Variants in FOXN3 observed in about 807,000 individuals in gnomAD.
The protein encoded by FOXN3 is forkhead box N3.
Under a neutral mutation model 38.4 loss-of-function variants are expected in FOXN3, and 7 were observed. The observed-to-expected ratio is 0.18, with a 90% CI of 0.10 to 0.34. FOXN3 has a LOEUF of 0.34. Ranked by LOEUF, FOXN3 falls within the 10% of genes least tolerant of loss-of-function variation. The pLI is 1.00. For missense variants in FOXN3, 456 were observed against 613.4 expected (o/e 0.74, Z 2.71); for synonymous variants, 230 against 242.2 (o/e 0.95, Z 0.47).
At chr14:89,437,585 C>T (rs1892298286) in intron 1 of FOXN3, among the ~76,000 whole-genome samples, 1 of 152,194 alleles carries the variant, frequency 6.6e-6, no homozygotes, top group Non-Finnish European at 1.5e-5. Flanking sequence ...CTGCTATACT[C>T]CCACCAGTGC....
At chr14:89,372,172 C>G (rs1250395170) in intron 2 of FOXN3, among the ~76,000 whole-genome samples, 1 of 151,996 alleles carries the variant, frequency 6.6e-6, no homozygotes, top group Non-Finnish European at 1.5e-5. Flanking sequence ...CTGCAATTTC[C>G]CCAAGTCATA....
intron 2 of FOXN3, among the ~76,000 whole-genome samples, chr14:89,397,530 T>C (rs907297185): frequency 3.3e-5 from 5 of 151,628 alleles, no homozygotes; most frequent in African/African-American, 7.3e-5. Flanking sequence ...CTTGACTCCT[T>C]TGTCTGTGCT....
intron 3 of FOXN3, among the ~76,000 whole-genome samples, chr14:89,283,780 C>T (rs976298898): frequency 2.2e-4 from 34 of 152,182 alleles, no homozygotes; most frequent in African/African-American, 8.2e-4. Flanking sequence ...GATCAAGTTA[C>T]CATTTACTGA....
At chr14:89,501,027 C>T (rs955640026) in intron 1 of FOXN3, among the ~76,000 whole-genome samples, 2 of 152,208 alleles carry the variant, frequency 1.3e-5, no homozygotes, top group Non-Finnish European at 2.9e-5. Context: ...GCATGGAAGA[C>T]AGTGAAGGGC....
chr14:89,541,180 T>C (rs571791720), intron 1 of FOXN3, among the ~76,000 whole-genome samples: 13 of 152,340 alleles, frequency 8.5e-5, no homozygotes, highest in Admixed American at 8.5e-4. Context: ...TTTTCCTTCC[T>C]GGTTCAATTC....
chr14:89,392,324 T>C (rs891666918), intron 2 of FOXN3, among the ~76,000 whole-genome samples: 2 of 152,232 alleles, frequency 1.3e-5, no homozygotes, highest in Non-Finnish European at 2.9e-5. Context: ...AGTCTCTCAG[T>C]GTAGGCAGAA....
chr14:89,522,372 T>C (rs1439832667), intron 1 of FOXN3, among the ~76,000 whole-genome samples: 1 of 152,084 alleles, frequency 6.6e-6, no homozygotes, highest in African/African-American at 2.4e-5. Context: ...TTAGAAGAAG[T>C]CCTTCAGGCA....
At chr14:89,616,733 C>G (rs928946946) in intron 1 of FOXN3, among the ~76,000 whole-genome samples, 2 of 152,206 alleles carry the variant, frequency 1.3e-5, no homozygotes, top group Non-Finnish European at 2.9e-5. Flanking sequence ...TCAGTTTGAT[C>G]CCACAATTAA....
chr14:89,298,046 G>A (rs1269508813), intron 3 of FOXN3, among the ~76,000 whole-genome samples: 1 of 152,150 alleles, frequency 6.6e-6, no homozygotes, highest in Non-Finnish European at 1.5e-5. Context: ...AGAGGTAGAA[G>A]CAACCTAACT....
rs1566680865 is a variant in FOXN3, at chr14:89,511,161, C to CTTTCTTTCTTTCTTTCTTTCTTTCTT, written c.-14-98697_-14-98672dup. ...CTTTCTTTTCTTTCTTTCTTTCTTT[C>CTTTCTTTCTTTCTTTCTTTCTTTCTT]TTTCTTTCTTTCTTTCTTTCTTTCT... On this transcript the variant is annotated intron_variant, in intron 1 of 6. Transcript: ENST00000345097. Among the ~76,000 whole-genome samples the CTTTCTTTCTTTCTTTCTTTCTTTCTT allele has an allele frequency of 6.3e-4, 14 of 22,294 alleles. 2 individuals are homozygous for CTTTCTTTCTTTCTTTCTTTCTTTCTT. The highest frequency in any genetic ancestry group is 1.2e-3 in the Non-Finnish European group (4 of 3,348). The allele number at this position is 22,294 out of a possible 152,430, so 14.6% of individuals were successfully genotyped here.
chr14:89,517,796 C>T (rs17125981), intron 1 of FOXN3, among the ~76,000 whole-genome samples: 4,811 of 152,234 alleles, frequency 0.032, 221 homozygotes, highest in African/African-American at 0.1. Flanking sequence ...CTTCTTTCAA[C>T]TCGCCTCCCT....
chr14:89,229,468 G>A (rs3742678), intron 4 of FOXN3, among the ~76,000 whole-genome samples: 114,105 of 152,090 alleles, frequency 0.75, 42,844 homozygotes, highest in Middle Eastern at 0.77. Flanking sequence ...GGACAGAAAA[G>A]AACAACAAAG....
At chr14:89,253,387 A>T (rs954787103) in intron 4 of FOXN3, among the ~76,000 whole-genome samples, 8 of 152,158 alleles carry the variant, frequency 5.3e-5, no homozygotes, top group Non-Finnish European at 1.0e-4. Flanking sequence ...CAAGGTGGAG[A>T]TTCGGTTCCA....
chr14:89,257,025 A>G (rs1461223804), intron 4 of FOXN3, among the ~76,000 whole-genome samples: 1 of 152,202 alleles, frequency 6.6e-6, no homozygotes, highest in Non-Finnish European at 1.5e-5. Flanking sequence ...TAAACCAGTT[A>G]TTTTTGGGCA....
chr14:89,245,378 G>C (rs1596128090), intron 4 of FOXN3, among the ~76,000 whole-genome samples: 1 of 151,990 alleles, frequency 6.6e-6, no homozygotes, highest in Middle Eastern at 3.4e-3. Context: ...ACACCCAAGA[G>C]TAAGAAATGT....
At chr14:89,175,239 C>T (rs894276296) in intron 5 of FOXN3, among the ~76,000 whole-genome samples, 1 of 152,178 alleles carries the variant, frequency 6.6e-6, no homozygotes, top group Non-Finnish European at 1.5e-5. Context: ...TGCTGGAGAT[C>T]CAAATAAAAT....
At chr14:89,343,993 C>G (rs1888695291) in intron 3 of FOXN3, among the ~76,000 whole-genome samples, 1 of 152,152 alleles carries the variant, frequency 6.6e-6, no homozygotes, top group African/African-American at 2.4e-5. Context: ...AACTCCTGAC[C>G]TCAAGTGATC....
At chr14:89,552,540 T>A (rs1383201735) in intron 1 of FOXN3, among the ~76,000 whole-genome samples, 4 of 152,110 alleles carry the variant, frequency 2.6e-5, no homozygotes, top group African/African-American at 9.7e-5. Context: ...TGTCTCCACA[T>A]GGTTGTGTGA....
chr14:89,329,146 G>A (rs1315709395), intron 3 of FOXN3, among the ~76,000 whole-genome samples: 1 of 152,170 alleles, frequency 6.6e-6, no homozygotes, highest in Non-Finnish European at 1.5e-5. Flanking sequence ...AAATCATGTT[G>A]CCCAAGATAT....
Sources: allele counts gnomAD v4.1 joint callset (sites outside exome capture counted in the v4.1 genomes callset), GRCh38; gene constraint gnomAD v4.1.1; transcripts MANE v1.5; gene names NCBI Gene and HGNC (gene_info 2026-07-23, HGNC 2026-07-21).